PDE7B: variants seen among roughly 807,000 people sequenced by gnomAD.
The protein encoded by PDE7B is phosphodiesterase 7B, also known as 3',5'-cyclic-AMP phosphodiesterase 7B.
Under a neutral mutation model 56.2 loss-of-function variants are expected in PDE7B, and 29 were observed. The ratio of observed to expected loss-of-function variants is 0.52; its 90% CI spans 0.38 to 0.70. PDE7B has a LOEUF of 0.70. Among genes scored for constraint, PDE7B ranks in the 30% least tolerant of loss-of-function variants. The pLI is 0.00. For synonymous variants in PDE7B, 197 were observed against 196.9 expected, an observed-to-expected ratio of 1.00 and a Z score of 0.00; for missense variants, 490 against 565.0, an observed-to-expected ratio of 0.87 and a Z score of 1.35.
At chr6:136,136,232 T>C (rs1778209760) in intron 3 of PDE7B, among the ~76,000 whole-genome samples, 1 of 152,094 alleles carries the variant, frequency 6.6e-6, no homozygotes, top group East Asian at 1.9e-4. Context: ...AAGCTGCATA[T>C]TGAAAACTAG....
At chr6:136,142,860 G>A (rs1406242415) in intron 3 of PDE7B, among the ~76,000 whole-genome samples, 1 of 151,952 alleles carries the variant, frequency 6.6e-6, no homozygotes, top group Non-Finnish European at 1.5e-5. Flanking sequence ...CACATGAATG[G>A]GTTTCCTGAA....
chr6:135,988,193 C>T (rs73558783), intron 2 of PDE7B, among the ~76,000 whole-genome samples: 2,001 of 151,914 alleles, frequency 0.013, 46 homozygotes, highest in African/African-American at 0.046. Flanking sequence ...AGAGGGAACA[C>T]AACCCACAAA....
At chr6:136,021,743 C>G (rs1257632980) in intron 2 of PDE7B, among the ~76,000 whole-genome samples, 1 of 152,078 alleles carries the variant, frequency 6.6e-6, no homozygotes, top group Non-Finnish European at 1.5e-5. Flanking sequence ...ATTGTATTAG[C>G]CTCCTGATTA....
At chr6:136,039,749 G>A (rs923088609) in intron 2 of PDE7B, among the ~76,000 whole-genome samples, 3 of 152,320 alleles carry the variant, frequency 2.0e-5, no homozygotes, top group Middle Eastern at 3.4e-3. Context: ...GGAGAAGGAT[G>A]CCCAGGGAGA....
chr6:136,012,477 C>T (rs1775911346), intron 2 of PDE7B, among the ~76,000 whole-genome samples: 3 of 152,200 alleles, frequency 2.0e-5, no homozygotes, highest in African/African-American at 7.2e-5. Context: ...CTAATACAAC[C>T]ATTCACAAAT....
At chr6:135,920,918 T>C (rs951384294) in intron 1 of PDE7B, among the ~76,000 whole-genome samples, 11 of 152,200 alleles carry the variant, frequency 7.2e-5, no homozygotes, top group African/African-American at 2.7e-4. Context: ...CCGAACTTTA[T>C]GTTCTGATAA....
chr6:135,911,282 A>G (rs1222961043), intron 1 of PDE7B, among the ~76,000 whole-genome samples: 1 of 152,150 alleles, frequency 6.6e-6, no homozygotes, highest in East Asian at 1.9e-4. Flanking sequence ...GGAAAAATAT[A>G]AGCAAACCCT....
intron 12 of PDE7B, 94 bp from the exon 13 acceptor site, chr6:136,191,520 A>G (rs759078947): frequency 3.2e-5 from 33 of 1,023,696 alleles, no homozygotes; most frequent in East Asian, 1.3e-4. Context: ...TACAAAAATT[A>G]GCCGGGCGTG....
chr6:136,044,240 T>C (rs1379312415), intron 2 of PDE7B: 23 of 152,204 alleles, frequency 1.5e-4, no homozygotes. Context: ...TTTGTTACAA[T>C]TAGTGTACAT....
intron 2 of PDE7B, among the ~76,000 whole-genome samples, chr6:136,015,804 G>C (rs575308888): frequency 1.3e-4 from 20 of 152,214 alleles, no homozygotes; most frequent in African/African-American, 4.6e-4. Flanking sequence ...AAATGACCTA[G>C]GGGAAATTTT....
At chr6:135,947,549 A>G (rs774599392) in intron 2 of PDE7B, 25 bp downstream of exon 2, 1 of 1,535,494 alleles carries the variant, frequency 6.5e-7, no homozygotes, top group East Asian at 2.3e-5. Flanking sequence ...CATTTTAAAT[A>G]TATTAAGCAT....
At chr6:135,868,325 C>T (rs925682414) in intron 1 of PDE7B, among the ~76,000 whole-genome samples, 1 of 152,216 alleles carries the variant, frequency 6.6e-6, no homozygotes, top group African/African-American at 2.4e-5. Context: ...CAATCATTCA[C>T]CTCTGGTCGA....
chr6:136,181,924 C>T (rs553249378), intron 11 of PDE7B, among the ~76,000 whole-genome samples: 61 of 152,230 alleles, frequency 4.0e-4, no homozygotes, highest in African/African-American at 1.4e-3. Context: ...AGAAATAAAG[C>T]AATGAATTAG....
intron 3 of PDE7B, among the ~76,000 whole-genome samples, chr6:136,125,233 T>C (rs1425596309): frequency 1.3e-5 from 2 of 152,152 alleles, no homozygotes; most frequent in Non-Finnish European, 2.9e-5. Flanking sequence ...AAAATGTAAT[T>C]AGCACGTCAA....
intron 1 of PDE7B, among the ~76,000 whole-genome samples, chr6:135,873,620 T>C (rs1775432152): frequency 6.6e-6 from 1 of 152,170 alleles, no homozygotes; most frequent in Non-Finnish European, 1.5e-5. Flanking sequence ...TGGAGGGCAT[T>C]GTTTTTATCT....
intron 12 of PDE7B, among the ~76,000 whole-genome samples, chr6:136,189,682 C>T (rs777216945): frequency 3.3e-5 from 5 of 152,184 alleles, no homozygotes; most frequent in African/African-American, 7.2e-5. Flanking sequence ...TCCTTGTCTA[C>T]TCTGAGGCTA....
At chr6:136,152,990 A>G (rs1414882130) in intron 6 of PDE7B, among the ~76,000 whole-genome samples, 1 of 152,244 alleles carries the variant, frequency 6.6e-6, no homozygotes, top group African/African-American at 2.4e-5. Context: ...CAGACATTAA[A>G]GTGATAGAGG....
chr6:135,926,085 T>TGGGGG (rs948738463), intron 1 of PDE7B, among the ~76,000 whole-genome samples: 28 of 16,138 alleles, frequency 1.7e-3, no homozygotes, highest in South Asian at 3.6e-3. Flanking sequence ...TTCTTTTTTT[T>TGGGGG]GGGGGGGGGG....
At chr6:135,855,875 A>G (rs1775017799) in intron 1 of PDE7B, among the ~76,000 whole-genome samples, 1 of 152,072 alleles carries the variant, frequency 6.6e-6, no homozygotes, top group South Asian at 2.1e-4. Context: ...GTGTCAGGAA[A>G]ACTCTCATGG....
Sources: gnomAD v4.1 joint callset for allele counts (sites outside exome capture counted in the v4.1 genomes callset) on GRCh38, gnomAD v4.1.1 for gene constraint, MANE v1.5 for transcripts, NCBI Gene and HGNC (gene_info 2026-07-23, HGNC 2026-07-21) for gene names.